The following G3BP1 variants were observed in gnomAD, a reference collection of about 807,000 sequenced individuals.
G3BP1 encodes the protein ras GTPase-activating protein-binding protein 1.
G3BP1 carries 35 observed loss-of-function variants against 58.6 expected under a neutral mutation model. The ratio of observed to expected loss-of-function variants is 0.60; its 90% CI spans 0.46 to 0.79. The LOEUF (loss-of-function observed/expected upper bound fraction) is 0.79, where lower values mean the gene tolerates loss of function less well. Ranked by LOEUF, G3BP1 falls within the 30% of genes least tolerant of loss-of-function variation. The pLI, the probability that G3BP1 is intolerant of heterozygous loss-of-function variation, is 0.00. For missense variants in G3BP1, 523 were observed against 580.8 expected, an observed-to-expected ratio of 0.90 and a Z score of 1.02; for synonymous variants, 191 against 195.4, an observed-to-expected ratio of 0.98 and a Z score of 0.19.
chr5:151,783,765 CA>C (rs1762512176), intron 1 of G3BP1, among the ~76,000 whole-genome samples: 1 of 151,864 alleles, frequency 6.6e-6, no homozygotes, highest in African/African-American at 2.4e-5. Flanking sequence ...CTTACCTAAA[CA>C]TTCTTTTTTT....
At chr5:151,778,583 A>G (rs1762413712) in intron 1 of G3BP1, among the ~76,000 whole-genome samples, 1 of 151,996 alleles carries the variant, frequency 6.6e-6, no homozygotes, top group Non-Finnish European at 1.5e-5. Context: ...CTGGGATTAC[A>G]GGTATCCACC....
In G3BP1 at chr5:151,806,445, A is replaced by G. The variant is rs1222802723; in HGVS notation, c.*2354A>G. ...GAATTACTGCACAATCTCAGAAAAT[A>G]GAAAGCTTCCCCAGTGCTTTCTGTC... On this transcript the variant is annotated 3_prime_UTR_variant, in exon 12 of 12. Coordinates refer to ENST00000356245, the MANE Select transcript of G3BP1 (RefSeq NM_005754.3). 6.6e-6 allele frequency: 1 copy of G among 152,230 alleles called. No homozygotes were observed. The highest frequency in any genetic ancestry group is 2.4e-5 in the African/African-American group (1 of 41,462). 9.4% of individuals were successfully genotyped at this position (152,230 alleles called of 1,614,324 possible).
rs756923355 is a variant in G3BP1 at position 151,799,949 on chromosome 5, AGAGTGCGAG to A, written c.905_913del (p.Arg302_Glu305delinsLys). ...ACCACAAAGACCTCAGCGGGATCAA[AGAGTGCGAG>A]AACAACGAATAAATATTCCTCCCCA... On this transcript the variant is annotated inframe_deletion, in exon 9 of 12. Transcript: ENST00000356245. 5 of 1,613,538 alleles carry A rather than the reference AGAGTGCGAG, an allele frequency of 3.1e-6. No homozygotes were observed. The African/African-American group carries it at 6.7e-5, about 22-fold the overall frequency.
At chr5:151,801,239 G>T (rs965864181) in intron 11 of G3BP1, among the ~76,000 whole-genome samples, 2 of 152,054 alleles carry the variant, frequency 1.3e-5, no homozygotes, top group Non-Finnish European at 2.9e-5. Context: ...GACAGTTTTG[G>T]TATACTGCTG....
chr5:151,790,857 TTGA>T (rs1385132505), intron 3 of G3BP1, 29 bp from the exon 4 acceptor site: 2 of 1,283,356 alleles, frequency 1.6e-6, no homozygotes, highest in Non-Finnish European at 2.2e-6. Flanking sequence ...GCATTCTCAG[TTGA>T]TTATTATTAT....
intron 11 of G3BP1, 37 bp downstream of exon 11, chr5:151,800,906 T>C (rs1762839035): frequency 4.7e-6 from 5 of 1,060,746 alleles, no homozygotes; most frequent in Non-Finnish European, 7.2e-6. Context: ...TTTTTTTTTT[T>C]TTAAAAAGGG....
intron 4 of G3BP1, 102 bp from the exon 5 acceptor site, chr5:151,794,057 A>ATGTCTCATGGAGGCAGACTTGTG: frequency 1.4e-6 from 1 of 706,066 alleles, no homozygotes. Flanking sequence ...ATATTGCCAG[A>ATGTCTCATGGAGGCAGACTTGTG]TGTCTCATGG....
intron 1 of G3BP1, among the ~76,000 whole-genome samples, chr5:151,778,508 C>T (rs1268461697): frequency 1.3e-5 from 2 of 152,124 alleles, no homozygotes; most frequent in Non-Finnish European, 2.9e-5. Flanking sequence ...GTGGCGCCAT[C>T]TCTGCTCACT....
At chr5:151,800,548 A>G (rs1392046815) in intron 10 of G3BP1, among the ~76,000 whole-genome samples, 3 of 152,054 alleles carry the variant, frequency 2.0e-5, no homozygotes, top group African/African-American at 4.8e-5. Flanking sequence ...ATTGTGAGAG[A>G]TATTTTACAC....
intron 3 of G3BP1, among the ~76,000 whole-genome samples, chr5:151,790,625 G>T (rs1304886191): frequency 6.6e-6 from 1 of 152,158 alleles, no homozygotes; most frequent in East Asian, 1.9e-4. Context: ...GCTTTTGTGT[G>T]TTGGAAGATA....
At chr5:151,775,770 C>A (rs941825355) in intron 1 of G3BP1, among the ~76,000 whole-genome samples, 2 of 152,132 alleles carry the variant, frequency 1.3e-5, no homozygotes, top group South Asian at 4.1e-4. Flanking sequence ...AAATTGTGAA[C>A]CTGAGTAGGT....
At chr5:151,795,346 A>G (rs879881744) in intron 5 of G3BP1, 133 bp from the exon 6 acceptor site, 1 of 590,980 alleles carries the variant, frequency 1.7e-6, no homozygotes, top group African/African-American at 1.9e-5. Flanking sequence ...CAGTGCCATG[A>G]TTTTACCAAA....
intron 2 of G3BP1, among the ~76,000 whole-genome samples, chr5:151,789,478 G>A (rs565024856): frequency 2.8e-4 from 43 of 152,292 alleles, no homozygotes; most frequent in Non-Finnish European, 4.3e-4. Flanking sequence ...TTGTTTTAAT[G>A]AAAATGGATC....
chr5:151,802,252 T>C (rs1762867931), intron 11 of G3BP1, among the ~76,000 whole-genome samples: 1 of 152,248 alleles, frequency 6.6e-6, no homozygotes, highest in Non-Finnish European at 1.5e-5. Flanking sequence ...GAGAGAACAG[T>C]GGTTTATCTC....
chr5:151,806,619 G>A lies in G3BP1; in HGVS notation c.*2528G>A, dbSNP rs1158287493. The A allele has an allele frequency of 6.6e-6, 1 of 152,134 alleles. No individual in the cohort carries two copies. Among genetic ancestry groups the A allele is most frequent in the African/African-American group, 2.4e-5 (1 of 41,428 alleles). The allele number at this position is 152,134 out of a possible 1,614,324, so 9.4% of individuals were successfully genotyped here. A position where few individuals can be genotyped will look rare whatever the true frequency, so the allele number is the denominator to read the frequency against. ...AACCTGAGAGCTTAGAGATGTATAC[G>A]TTTCCACTGCTGGAAAATCATTATA... On this transcript the variant is annotated 3_prime_UTR_variant, in exon 12 of 12. Coordinates refer to ENST00000356245, the MANE Select transcript of G3BP1 (RefSeq NM_005754.3).
At chr5:151,785,650 T>C (rs1762543825) in intron 1 of G3BP1, among the ~76,000 whole-genome samples, 1 of 152,226 alleles carries the variant, frequency 6.6e-6, no homozygotes, top group Non-Finnish European at 1.5e-5. Flanking sequence ...GACAGGTGCC[T>C]TTCTTGGCAT....
intron 2 of G3BP1, among the ~76,000 whole-genome samples, chr5:151,790,117 A>AAAAT (rs1489476858): frequency 1.3e-5 from 2 of 151,486 alleles, no homozygotes; most frequent in Non-Finnish European, 2.9e-5. Flanking sequence ...GAGCAAAAAA[A>AAAAT]AAAAAAAAAA....
rs1390976271 is a variant in G3BP1, at chr5:151,771,957, C to A, written c.-129C>A. 2 of 152,402 alleles carry A rather than the reference C, an allele frequency of 1.3e-5. No homozygotes were observed. The highest frequency in any genetic ancestry group is 4.8e-5 in the African/African-American group (2 of 41,460). The allele number at this position is 152,402 out of a possible 1,614,324, so 9.4% of individuals were successfully genotyped here. ...ACCGGCGGCGGAGCACGCGTGTGTGCGGACGCAGTTGCGTGAGGGGTTTGT... is the reference window on the plus strand; with the variant it reads ...ACCGGCGGCGGAGCACGCGTGTGTGAGGACGCAGTTGCGTGAGGGGTTTGT... On this transcript the variant is annotated 5_prime_UTR_variant, in exon 1 of 12. Coordinates refer to ENST00000356245, the MANE Select transcript of G3BP1 (RefSeq NM_005754.3).
intron 1 of G3BP1, among the ~76,000 whole-genome samples, chr5:151,774,403 T>G (rs888225817): frequency 2.6e-5 from 4 of 151,996 alleles, no homozygotes; most frequent in Non-Finnish European, 5.9e-5. Context: ...AGAAGGCAGT[T>G]TTAAGTTTTT....
Sources: gnomAD v4.1 joint callset for allele counts (sites outside exome capture counted in the v4.1 genomes callset) on GRCh38, gnomAD v4.1.1 for gene constraint, MANE v1.5 for transcripts, NCBI Gene and HGNC (gene_info 2026-07-23, HGNC 2026-07-21) for gene names.